Variants in HS3ST4 observed in about 807,000 individuals in gnomAD.
HS3ST4 encodes the protein heparan sulfate glucosamine 3-O-sulfotransferase 4.
HS3ST4 carries 17 observed loss-of-function variants against 29.2 expected under a neutral mutation model. The observed-to-expected ratio is 0.58, with a 90% CI of 0.40 to 0.87. The LOEUF (loss-of-function observed/expected upper bound fraction) is 0.87, where lower values mean the gene tolerates loss of function less well. HS3ST4 is among the 40% of genes least tolerant of loss of function. The pLI, the probability that HS3ST4 is intolerant of heterozygous loss-of-function variation, is 0.00. For synonymous variants in HS3ST4, 314 were observed against 285.7 expected, an observed-to-expected ratio of 1.10 and a Z score of -1.00; for missense variants, 627 against 634.5, an observed-to-expected ratio of 0.99 and a Z score of 0.13.
chr16:25,787,379 T>C (rs1966859230), intron 1 of HS3ST4, among the ~76,000 whole-genome samples: 1 of 152,174 alleles, frequency 6.6e-6, no homozygotes, highest in African/African-American at 2.4e-5. Context: ...TTGACCAGCA[T>C]GGGGATTAAA....
intron 1 of HS3ST4, among the ~76,000 whole-genome samples, chr16:25,944,725 C>A (rs1279315842): frequency 6.6e-6 from 1 of 152,094 alleles, no homozygotes; most frequent in Non-Finnish European, 1.5e-5. Flanking sequence ...TCTTCCTACC[C>A]GTCCTCTAAC....
chr16:26,009,973 G>GT (rs1567292833), intron 1 of HS3ST4, among the ~76,000 whole-genome samples: 2 of 152,156 alleles, frequency 1.3e-5, no homozygotes, highest in African/African-American at 4.8e-5. Flanking sequence ...AACACGGGCC[G>GT]TATCTCCTTT....
In HS3ST4 at chr16:25,805,851, C is replaced by G. The variant is rs28679290; in HGVS notation, c.734+112700C>G. Among the ~76,000 whole-genome samples, 231 of 152,188 alleles carry G rather than the reference C, an allele frequency of 1.5e-3. 3 individuals carry two copies. The highest frequency in any genetic ancestry group is 0.012 in the South Asian group (56 of 4,804). Reference sequence around the variant, plus strand: ...AGCTATTTTTCCTAATGCTCCCTCCCCTCAGGACCCCACTCCCCGACGGGC... The same window carrying G: ...AGCTATTTTTCCTAATGCTCCCTCCGCTCAGGACCCCACTCCCCGACGGGC... On this transcript the variant is annotated intron_variant, in intron 1 of 1. Transcript: ENST00000331351.
intron 1 of HS3ST4, among the ~76,000 whole-genome samples, chr16:25,864,350 G>T (rs199509799): frequency 1.3e-5 from 2 of 151,866 alleles, no homozygotes; most frequent in Non-Finnish European, 2.9e-5. Context: ...ACTTTTAAGT[G>T]TGCAAAGCAT....
At chr16:26,054,613 G>A (rs930226263) in intron 1 of HS3ST4, among the ~76,000 whole-genome samples, 8 of 152,146 alleles carry the variant, frequency 5.3e-5, no homozygotes, top group Non-Finnish European at 1.2e-4. Context: ...AAAATGAAAT[G>A]GAAAGATAAG....
intron 1 of HS3ST4, among the ~76,000 whole-genome samples, chr16:26,122,145 C>T (rs1899284474): frequency 6.7e-6 from 1 of 150,268 alleles, no homozygotes; most frequent in African/African-American, 2.5e-5. Context: ...ACCTCCACAT[C>T]CCTATGGATA....
At chr16:25,926,779 A>G (rs1378851093) in intron 1 of HS3ST4, among the ~76,000 whole-genome samples, 1 of 152,230 alleles carries the variant, frequency 6.6e-6, no homozygotes, top group Non-Finnish European at 1.5e-5. Flanking sequence ...TCTGTTAACC[A>G]CAACACTTCA....
At chr16:25,862,590 C>T (rs981075866) in intron 1 of HS3ST4, among the ~76,000 whole-genome samples, 9 of 152,218 alleles carry the variant, frequency 5.9e-5, no homozygotes, top group Non-Finnish European at 1.2e-4. Context: ...TGGCGAGGTC[C>T]CTAACAGTCT....
At chr16:25,979,689 A>C (rs1007881597) in intron 1 of HS3ST4, among the ~76,000 whole-genome samples, 5 of 152,214 alleles carry the variant, frequency 3.3e-5, no homozygotes, top group African/African-American at 4.8e-5. Flanking sequence ...TAAAGTGTAC[A>C]ATCAGTGTAA....
At chr16:25,716,491 G>A (rs1966455209) in intron 1 of HS3ST4, among the ~76,000 whole-genome samples, 1 of 152,186 alleles carries the variant, frequency 6.6e-6, no homozygotes, top group South Asian at 2.1e-4. Context: ...CAGTCATTAG[G>A]TGCCAGGTAG....
chr16:26,043,242 T>C (rs1969651244), intron 1 of HS3ST4, among the ~76,000 whole-genome samples: 2 of 152,334 alleles, frequency 1.3e-5, no homozygotes, highest in Admixed American at 1.3e-4. Flanking sequence ...AAAGCAACTT[T>C]ACAATAGCTA....
intron 1 of HS3ST4, among the ~76,000 whole-genome samples, chr16:25,875,644 G>A (rs559782879): frequency 2.0e-5 from 3 of 152,156 alleles, no homozygotes; most frequent in Admixed American, 6.6e-5. Flanking sequence ...GGCACGTTAA[G>A]CTGTGCCTTC....
intron 1 of HS3ST4, among the ~76,000 whole-genome samples, chr16:26,015,227 G>A (rs117069847): frequency 1.8e-4 from 27 of 152,302 alleles, no homozygotes; most frequent in South Asian, 4.1e-4. Context: ...CAAGGTCACC[G>A]TCAGGTGCAA....
intron 1 of HS3ST4, among the ~76,000 whole-genome samples, chr16:25,983,604 G>A (rs1160805959): frequency 1.3e-5 from 2 of 152,182 alleles, no homozygotes; most frequent in Non-Finnish European, 2.9e-5. Flanking sequence ...CATTCGTGGT[G>A]GATGCTTGAG....
At chr16:25,784,859 A>G (rs144822569) in intron 1 of HS3ST4, among the ~76,000 whole-genome samples, 8 of 152,362 alleles carry the variant, frequency 5.3e-5, no homozygotes, top group Admixed American at 1.3e-4. Context: ...TAGTCATTCT[A>G]TTGGAAGAAG....
At chr16:25,712,654 C>T (rs1020447940) in intron 1 of HS3ST4, among the ~76,000 whole-genome samples, 3 of 151,990 alleles carry the variant, frequency 2.0e-5, no homozygotes, top group African/African-American at 4.8e-5. Flanking sequence ...TGGCAAAATC[C>T]TTTCAAATCA....
chr16:26,098,915 G>A (rs143805188), intron 1 of HS3ST4, among the ~76,000 whole-genome samples: 50 of 152,076 alleles, frequency 3.3e-4, no homozygotes, highest in Admixed American at 1.9e-3. Context: ...GGCAACCTGC[G>A]GATACGGTTC....
At chr16:26,102,821 T>C (rs1474193008) in intron 1 of HS3ST4, among the ~76,000 whole-genome samples, 1 of 152,178 alleles carries the variant, frequency 6.6e-6, no homozygotes, top group Non-Finnish European at 1.5e-5. Context: ...CTTTTTTACT[T>C]CCAGTTTTTC....
At chr16:26,041,674 G>GAA (rs547637259) in intron 1 of HS3ST4, among the ~76,000 whole-genome samples, 1 of 150,440 alleles carries the variant, frequency 6.6e-6, no homozygotes, top group Non-Finnish European at 1.5e-5. Context: ...TCGAGACATA[G>GAA]AAAAAAAAAT....
Sources: gnomAD v4.1 joint callset for allele counts (sites outside exome capture counted in the v4.1 genomes callset) on GRCh38, gnomAD v4.1.1 for gene constraint, MANE v1.5 for transcripts, NCBI Gene and HGNC (gene_info 2026-07-23, HGNC 2026-07-21) for gene names.